Variants in EEF2K observed in about 807,000 individuals in gnomAD.
The protein encoded by EEF2K is alternative protein EEF2K.
EEF2K carries 70 observed loss-of-function variants against 93.8 expected under a neutral mutation model. The observed-to-expected ratio is 0.75, with a 90% CI of 0.62 to 0.91. The LOEUF (loss-of-function observed/expected upper bound fraction) is 0.91. EEF2K is among the 40% of genes least tolerant of loss of function. The pLI is 0.00. For synonymous variants in EEF2K, 376 were observed against 380.8 expected (o/e 0.99, Z 0.15); for missense variants, 935 against 972.9 (o/e 0.96, Z 0.52).
intron 2 of EEF2K, among the ~76,000 whole-genome samples, chr16:22,228,898 T>G (rs1243557521): frequency 6.6e-6 from 1 of 152,224 alleles, no homozygotes; most frequent in Non-Finnish European, 1.5e-5. Flanking sequence ...CTTAAATTTC[T>G]TAGCCTATGT....
chr16:22,270,032 A>G (rs2047562024), intron 15 of EEF2K, among the ~76,000 whole-genome samples: 1 of 150,412 alleles, frequency 6.6e-6, no homozygotes, highest in African/African-American at 2.5e-5. Flanking sequence ...ATCTCAGCTC[A>G]CTGCAACCTC....
chr16:22,287,719 C>G lies in EEF2K; in HGVS notation c.*3723C>G, dbSNP rs1419814284. 6.6e-6 allele frequency: 1 copy of G among 152,148 alleles called. No individual in the cohort carries two copies. The highest frequency in any genetic ancestry group is 6.6e-5 in the Admixed American group (1 of 15,266). The allele number at this position is 152,148 out of a possible 1,614,324, so 9.4% of individuals were successfully genotyped here. A position where few individuals can be genotyped will look rare whatever the true frequency, so the allele number is the denominator to read the frequency against. On this transcript the variant is annotated 3_prime_UTR_variant, in exon 18 of 18. Transcript: ENST00000263026. ...AAAGAAGCGAAAAAAACTCCCAAAC[C>G]CCAGTGTTCCTGAATATCTGTTCTC... is the stretch of plus-strand genomic sequence containing the variant.
rs1227957391 is a variant in EEF2K, at chr16:22,284,905, G to A, written c.*909G>A. 1.3e-5 allele frequency: 2 copies of A among 152,548 alleles called. No individual in the cohort carries two copies. The highest frequency in any genetic ancestry group is 2.9e-5 in the Non-Finnish European group (2 of 68,036). The allele number at this position is 152,548 out of a possible 1,614,324, so 9.4% of individuals were successfully genotyped here. A position where few individuals can be genotyped will look rare whatever the true frequency, so the allele number is the denominator to read the frequency against. Reference sequence around the variant, plus strand: ...TACCCAGGCTCCCTTCTACTGTGGGGAAGGGCCTGCATGTTGGCTGTTTTT... The same window carrying A: ...TACCCAGGCTCCCTTCTACTGTGGGAAAGGGCCTGCATGTTGGCTGTTTTT... On this transcript the variant is annotated 3_prime_UTR_variant, in exon 18 of 18. Coordinates refer to ENST00000263026, the MANE Select transcript of EEF2K (RefSeq NM_013302.5).
intron 17 of EEF2K, among the ~76,000 whole-genome samples, 176 bp downstream of exon 17, chr16:22,280,552 C>T (rs35015982): frequency 0.019 from 2,893 of 152,102 alleles, 39 homozygotes; most frequent in Non-Finnish European, 0.032. Flanking sequence ...TTATATATTA[C>T]GGCTTTGTAG....
intron 6 of EEF2K, among the ~76,000 whole-genome samples, chr16:22,251,696 A>G (rs1328638152): frequency 6.6e-6 from 1 of 152,136 alleles, no homozygotes; most frequent in East Asian, 1.9e-4. Flanking sequence ...AAGTGCTGGG[A>G]TTACAGGTGT....
chr16:22,265,203 G>A (rs575132341), intron 13 of EEF2K: 1 of 247,802 alleles, frequency 4.0e-6, no homozygotes, highest in African/African-American at 2.2e-5. Flanking sequence ...ACCACCCAGA[G>A]AGACAGGCTA....
intron 10 of EEF2K, among the ~76,000 whole-genome samples, chr16:22,259,726 C>A (rs2047443612): frequency 6.6e-6 from 1 of 151,952 alleles, no homozygotes; most frequent in Non-Finnish European, 1.5e-5. Flanking sequence ...GATAGGGAAC[C>A]ACCAGGAGAT....
intron 15 of EEF2K, among the ~76,000 whole-genome samples, chr16:22,268,597 G>C (rs919487301): frequency 2.0e-5 from 3 of 152,032 alleles, no homozygotes; most frequent in Non-Finnish European, 4.4e-5. Context: ...CTCCTGAGTA[G>C]CTCGGACTAT....
At chr16:22,268,303 C>T (rs1416878557) in intron 15 of EEF2K, among the ~76,000 whole-genome samples, 7 of 151,768 alleles carry the variant, frequency 4.6e-5, no homozygotes, top group East Asian at 1.9e-4. Context: ...CTCAGACTCC[C>T]GAGTAGCTGG....
At chr16:22,213,327 T>C (rs2046932561) in intron 1 of EEF2K, among the ~76,000 whole-genome samples, 1 of 152,166 alleles carries the variant, frequency 6.6e-6, no homozygotes, top group African/African-American at 2.4e-5. Flanking sequence ...AGAGCTGGGT[T>C]TCTCAGCCTC....
In EEF2K at chr16:22,284,093, C is replaced by A; in HGVS notation, c.*97C>A. 1 of 1,085,372 alleles carries A rather than the reference C, an allele frequency of 9.2e-7. No individual in the cohort carries two copies. Among genetic ancestry groups the A allele is most frequent in the Non-Finnish European group, 1.3e-6 (1 of 749,332 alleles). 67.2% of individuals were successfully genotyped at this position (1,085,372 alleles called of 1,614,324 possible). On this transcript the variant is annotated 3_prime_UTR_variant, in exon 18 of 18. Transcript: ENST00000263026. Reference sequence around the variant, plus strand: ...ACTTATTTAGTTTGGGGAGGGGAAGCATTTTTAAGTGTGTTGTAAAATCAA... The same window carrying A: ...ACTTATTTAGTTTGGGGAGGGGAAGAATTTTTAAGTGTGTTGTAAAATCAA...
chr16:22,260,311 A>G, intron 10 of EEF2K, 151 bp from the exon 11 acceptor site: 1 of 721,042 alleles, frequency 1.4e-6, no homozygotes, highest in South Asian at 1.8e-5. Flanking sequence ...CCAGGTGCTG[A>G]TAACATTCTT....
intron 2 of EEF2K, among the ~76,000 whole-genome samples, chr16:22,230,037 G>A (rs150980641): frequency 3.4e-3 from 512 of 152,212 alleles, no homozygotes; most frequent in African/African-American, 0.012. Context: ...TCTGGGGTCC[G>A]GGGGCCCCTG....
rs767918552 is a variant in EEF2K at position 22,266,491 on chromosome 16, C to G, written c.1542C>G (p.Leu514=). ...LEVQRLNALD[L]EKKIGKSILG... is the part of the protein sequence containing the mutation. Reference sequence around the variant, plus strand: ...TGCAAAGGCTTAATGCTCTGGACCTCGAAAAGAAAATCGGGAAGTCCATTT... The same window carrying G: ...TGCAAAGGCTTAATGCTCTGGACCTGGAAAAGAAAATCGGGAAGTCCATTT... Residue 514 remains leucine (L), a synonymous_variant, in exon 14 of 18, where the codon CTC becomes CTG. Transcript: ENST00000263026. The G allele has an allele frequency of 1.2e-6, 2 of 1,614,214 alleles. No homozygotes were observed. Among genetic ancestry groups the G allele is most frequent in the Non-Finnish European group, 8.5e-7 (1 of 1,180,046 alleles).
rs569285666 is a variant in EEF2K at position 22,236,684 on chromosome 16, C to A, written c.247-7946C>A. On this transcript the variant is annotated intron_variant, in intron 2 of 17. Coordinates refer to ENST00000263026, the MANE Select transcript of EEF2K (RefSeq NM_013302.5). ...AAATTGGCAACAACAGTGATAACAT[C>A]CCACGTGCCAAAACATTTGCAAACA... Among the ~76,000 whole-genome samples the A allele has an allele frequency of 1.9e-4, 29 of 151,876 alleles. No individual in the cohort carries two copies. In the East Asian group the frequency reaches 5.6e-3, roughly 29 times the overall value.
intron 3 of EEF2K, among the ~76,000 whole-genome samples, chr16:22,248,465 A>C (rs1280008623): frequency 6.6e-6 from 1 of 152,190 alleles, no homozygotes; most frequent in African/African-American, 2.4e-5. Flanking sequence ...CCAGATGCAG[A>C]ACAAGCCAGT....
At chr16:22,210,288 A>G (rs1005634037) in intron 1 of EEF2K, among the ~76,000 whole-genome samples, 1 of 152,156 alleles carries the variant, frequency 6.6e-6, no homozygotes, top group Non-Finnish European at 1.5e-5. Context: ...TCTAGCAAGG[A>G]CTAGCAAGCC....
At chr16:22,264,932 G>C in intron 13 of EEF2K, 52 bp downstream of exon 13, 2 of 1,598,534 alleles carry the variant, frequency 1.3e-6, no homozygotes, top group Non-Finnish European at 1.7e-6. Context: ...TCTCCTCCAG[G>C]CTCTGTTGCT....
chr16:22,229,791 T>C (rs1308053936), intron 2 of EEF2K, among the ~76,000 whole-genome samples: 1 of 152,218 alleles, frequency 6.6e-6, no homozygotes, highest in Non-Finnish European at 1.5e-5. Context: ...CCATTACCCT[T>C]TCTTAATCAA....
Sources: allele counts gnomAD v4.1 joint callset (sites outside exome capture counted in the v4.1 genomes callset), GRCh38; gene constraint gnomAD v4.1.1; transcripts MANE v1.5; gene names NCBI Gene and HGNC (gene_info 2026-07-23, HGNC 2026-07-21).